The following SENP6 variants were observed in gnomAD, a reference collection of about 807,000 sequenced individuals.
The protein encoded by SENP6 is sentrin-specific protease 6.
A neutral mutation model predicts 134.5 loss-of-function variants in SENP6; 41 were observed. The ratio of observed to expected loss-of-function variants is 0.30; its 90% CI spans 0.24 to 0.40. The LOEUF is 0.40. Among genes scored for constraint, SENP6 ranks in the 10% least tolerant of loss-of-function variants. The pLI, the probability that SENP6 is intolerant of heterozygous loss-of-function variation, is 1.00. For synonymous variants in SENP6, 395 were observed against 429.8 expected, an observed-to-expected ratio of 0.92 and a Z score of 1.00; for missense variants, 1,248 against 1,312.5, an observed-to-expected ratio of 0.95 and a Z score of 0.76.
At chr6:75,713,011 T>TA (rs1489993160) in intron 21 of SENP6, among the ~76,000 whole-genome samples, 1 of 152,026 alleles carries the variant, frequency 6.6e-6, no homozygotes, top group African/African-American at 2.4e-5. Context: ...GGAGGCTGAG[T>TA]TGGGAGGATC....
chr6:75,642,473 G>C (rs981222426), intron 6 of SENP6, among the ~76,000 whole-genome samples: 20 of 152,330 alleles, frequency 1.3e-4, no homozygotes, highest in African/African-American at 4.6e-4. Context: ...TCCAGATAGG[G>C]AAGAGGTTGT....
intron 16 of SENP6, among the ~76,000 whole-genome samples, chr6:75,686,565 T>G (rs1428846366): frequency 2.0e-5 from 3 of 152,246 alleles, no homozygotes; most frequent in Non-Finnish European, 4.4e-5. Context: ...AGTGCTTCTT[T>G]CAGGAGCTCT....
At chr6:75,682,384 AC>A (rs1323696680) in intron 16 of SENP6, among the ~76,000 whole-genome samples, 1 of 151,594 alleles carries the variant, frequency 6.6e-6, no homozygotes, top group East Asian at 1.9e-4. Context: ...AGCAGGATCT[AC>A]TCAACATCAG....
intron 9 of SENP6, among the ~76,000 whole-genome samples, chr6:75,664,606 C>G (rs1020554427): frequency 5.9e-5 from 9 of 152,094 alleles, no homozygotes; most frequent in Admixed American, 1.3e-4. Flanking sequence ...CTAATCTGGC[C>G]TGTTAGGTTT....
intron 23 of SENP6, among the ~76,000 whole-genome samples, chr6:75,714,415 T>A (rs1775922825): frequency 6.6e-6 from 1 of 152,172 alleles, no homozygotes; most frequent in Admixed American, 6.6e-5. Context: ...CTAGGTTCTG[T>A]GAATTGTGTC....
Position 75,666,953 on chromosome 6 carries a change from T to C in SENP6, c.1224+12T>C. The C allele has an allele frequency of 6.4e-7, 1 of 1,563,950 alleles. No individual in the cohort carries two copies. The highest frequency in any genetic ancestry group is 8.8e-7 in the Non-Finnish European group (1 of 1,140,872). On this transcript the variant is annotated intron_variant, in intron 10 of 23. Coordinates refer to ENST00000447266, the MANE Select transcript of SENP6 (RefSeq NM_015571.4). ...GAATGAAAGACCAGGTACTTTTCAC[T>C]TTTGTTGACATTTGTTCAGATTAAT...
intron 3 of SENP6, among the ~76,000 whole-genome samples, chr6:75,629,256 C>T (rs897574799): frequency 6.6e-6 from 1 of 152,084 alleles, no homozygotes; most frequent in Admixed American, 6.5e-5. Flanking sequence ...AAACTGAAAT[C>T]TTGTTAATTT....
intron 6 of SENP6, chr6:75,646,545 C>G (rs1435286500): frequency 6.6e-6 from 1 of 152,146 alleles, no homozygotes; most frequent in East Asian, 1.9e-4. Context: ...ATTATAAGTA[C>G]ACTACTGTCA....
chr6:75,642,523 G>T (rs1197780934), intron 6 of SENP6, among the ~76,000 whole-genome samples: 2 of 152,120 alleles, frequency 1.3e-5, no homozygotes, highest in Non-Finnish European at 2.9e-5. Flanking sequence ...GCATGTCAAA[G>T]AACAGAAAAA....
intron 11 of SENP6, 128 bp downstream of exon 11, chr6:75,670,848 C>T (rs909109978): frequency 4.5e-5 from 17 of 377,178 alleles, no homozygotes; most frequent in Admixed American, 9.9e-5. Context: ...TTCAAGATTT[C>T]ACATTGCTTT....
At chr6:75,678,718 A>G (rs368069882) in intron 15 of SENP6, 26 bp downstream of exon 15, 63 of 1,391,868 alleles carry the variant, frequency 4.5e-5, no homozygotes, top group Non-Finnish European at 5.3e-5. Context: ...TATATTTGCA[A>G]TGATCTTAAA....
chr6:75,638,199 T>C (rs893273022), intron 5 of SENP6, among the ~76,000 whole-genome samples: 5 of 151,956 alleles, frequency 3.3e-5, no homozygotes, highest in African/African-American at 1.2e-4. Flanking sequence ...AATGAGGTCA[T>C]TGATACCAGA....
intron 16 of SENP6, among the ~76,000 whole-genome samples, chr6:75,684,092 G>C (rs1020186126): frequency 2.6e-5 from 4 of 151,942 alleles, no homozygotes; most frequent in Non-Finnish European, 5.9e-5. Flanking sequence ...GTTTGTAATT[G>C]TCCTTGAAGA....
rs185985240 is a variant in SENP6 at position 75,665,930 on chromosome 6, G to A, written c.995-782G>A. Reference sequence around the variant, plus strand: ...TAATCCCAGGTGCTGGGGAGGCTGAGGCAGGAGAATCACTTGAACCCAGGA... The same window carrying A: ...TAATCCCAGGTGCTGGGGAGGCTGAAGCAGGAGAATCACTTGAACCCAGGA... On this transcript the variant is annotated intron_variant, in intron 9 of 23. Coordinates refer to ENST00000447266, the MANE Select transcript of SENP6 (RefSeq NM_015571.4). Among the ~76,000 whole-genome samples the A allele has an allele frequency of 4.5e-3, 689 of 151,806 alleles. 5 individuals are homozygous for A. Among genetic ancestry groups the A allele is most frequent in the African/African-American group, 0.015 (639 of 41,398 alleles).
At chr6:75,617,288 T>G (rs1455809220) in intron 1 of SENP6, among the ~76,000 whole-genome samples, 1 of 143,000 alleles carries the variant, frequency 7.0e-6, no homozygotes, top group Non-Finnish European at 1.5e-5. Flanking sequence ...TTTTTTTTTT[T>G]TTGAGACGGA....
Position 75,675,927 on chromosome 6 carries a change from T to C in SENP6, c.1494T>C (p.Asn498=), listed in dbSNP as rs1773054784. The change falls in exon 13 of 24, where the codon AAT becomes AAC. Residue 498 remains asparagine (N), a synonymous_variant. Transcript: ENST00000447266. ...ATCTAACTAAATGTGAATGGTGTAA[T>C]GTCCGAAAATTACCTGTAGTGTTTC... ...TSDLTKCEWC[N]VRKLPVVFLQ... The C allele has an allele frequency of 6.2e-7, 1 of 1,612,458 alleles. No homozygotes were observed. The highest frequency in any genetic ancestry group is 1.3e-5 in the African/African-American group (1 of 74,898).
chr6:75,611,393 C>T (rs1258455490), intron 1 of SENP6: 1 of 152,260 alleles, frequency 6.6e-6, no homozygotes, highest in East Asian at 1.9e-4. Flanking sequence ...GTTTGGGTAT[C>T]AGCTCCTCAG....
At position 75,663,463 on chromosome 6, in the gene SENP6, C is replaced by A; in HGVS notation, c.939C>A (p.Pro313=). 1 of 1,612,890 alleles carries A rather than the reference C, an allele frequency of 6.2e-7. No individual in the cohort carries two copies. Among genetic ancestry groups the A allele is most frequent in the South Asian group, 1.1e-5 (1 of 90,884 alleles). Residue 313 remains proline, a synonymous_variant, in exon 9 of 24, where the codon CCC becomes CCA. Transcript: ENST00000447266. Reference sequence around the variant, plus strand: ...TCATTTTACCTGGGGCAAAAATACCCAAAATCACAAACTTGAAAGAAAGGA... The same window carrying A: ...TCATTTTACCTGGGGCAAAAATACCAAAAATCACAAACTTGAAAGAAAGGA... ...GKVILPGAKI[P]KITNLKERKT...
Position 75,673,916 on chromosome 6 carries a change from G to A in SENP6, c.1393-1519G>A, listed in dbSNP as rs187168677. On this transcript the variant is annotated intron_variant, in intron 11 of 23. Transcript: ENST00000447266. ...TGCACCCGTAACCCCAGCTACTAGG[G>A]AGGCTGAGGCAGAAGAATCACTTGA... 2.0e-3 allele frequency among the ~76,000 whole-genome samples: 310 copies of A among 151,852 alleles called. 2 individuals carry two copies. The highest frequency in any genetic ancestry group is 3.0e-3 in the Non-Finnish European group (204 of 67,952).
Sources: gnomAD v4.1 joint callset for allele counts (sites outside exome capture counted in the v4.1 genomes callset) on GRCh38, gnomAD v4.1.1 for gene constraint, MANE v1.5 for transcripts, NCBI Gene and HGNC (gene_info 2026-07-23, HGNC 2026-07-21) for gene names.